The following MPRIP variants were observed in gnomAD, a reference collection of about 807,000 sequenced individuals.
MPRIP encodes myosin phosphatase Rho-interacting protein.
In MPRIP, 59 loss-of-function variants were observed where a neutral mutation model predicts 234.9. The ratio of observed to expected loss-of-function variants is 0.25; its 90% CI spans 0.20 to 0.31. The LOEUF (loss-of-function observed/expected upper bound fraction) is 0.31. Ranked by LOEUF, MPRIP falls within the 10% of genes least tolerant of loss-of-function variation. The pLI, the probability that MPRIP is intolerant of heterozygous loss-of-function variation, is 1.00. For synonymous variants in MPRIP, 1,144 were observed against 1,263.9 expected (o/e 0.91, Z 2.01); for missense variants, 2,436 against 3,071.0 (o/e 0.79, Z 4.89).
At chr17:17,145,980 C>G in intron 9 of MPRIP, 56 bp from the exon 10 acceptor site, 1 of 1,522,968 alleles carries the variant, frequency 6.6e-7, no homozygotes, top group South Asian at 1.1e-5. Context: ...CCCCATCAGA[C>G]ACTCATGACA....
At chr17:17,047,287 T>C (rs1340868121) in intron 1 of MPRIP, among the ~76,000 whole-genome samples, 1 of 152,240 alleles carries the variant, frequency 6.6e-6, no homozygotes, top group African/African-American at 2.4e-5. Flanking sequence ...GAACTAGATA[T>C]TAATCCGATG....
At chr17:17,046,299 C>T (rs1446680536) in intron 1 of MPRIP, among the ~76,000 whole-genome samples, 1 of 152,170 alleles carries the variant, frequency 6.6e-6, no homozygotes, top group Admixed American at 6.5e-5. Context: ...TGATAGACAT[C>T]AAGGTTGCTT....
intron 23 of MPRIP, chr17:17,180,646 C>T: frequency 6.2e-7 from 1 of 1,614,054 alleles, no homozygotes; most frequent in East Asian, 2.2e-5. Context: ...CTGAAATGCA[C>T]CCGCTTCCCG....
chr17:17,048,912 G>A lies in MPRIP; in HGVS notation c.123+5941G>A, dbSNP rs150543484. ...GTTCATAACAGCACTACTCACAATA[G>A]CCAAACGGCAGCAACAATCCAAGTG... On this transcript the variant is annotated intron_variant, in intron 1 of 23. Coordinates refer to ENST00000651222, the MANE Select transcript of MPRIP (RefSeq NM_001364716.4). Among the ~76,000 whole-genome samples the A allele has an allele frequency of 7.9e-5, 12 of 152,322 alleles. No individual in the cohort carries two copies. In the East Asian group the frequency reaches 2.3e-3, roughly 29 times the overall value.
chr17:17,168,201 C>T (rs1164667317), intron 16 of MPRIP: 4 of 308,058 alleles, frequency 1.3e-5, no homozygotes, highest in Admixed American at 4.6e-5. Flanking sequence ...CTGCCTAATG[C>T]GGCCTCTCCG....
intron 1 of MPRIP, among the ~76,000 whole-genome samples, chr17:17,072,520 G>C (rs1161205977): frequency 6.6e-6 from 1 of 152,212 alleles, no homozygotes; most frequent in Non-Finnish European, 1.5e-5. Context: ...GTAGAAATTA[G>C]TTCTGTGATG....
At chr17:17,105,819 T>G (rs2090052410) in intron 3 of MPRIP, among the ~76,000 whole-genome samples, 1 of 152,242 alleles carries the variant, frequency 6.6e-6, no homozygotes, top group South Asian at 2.1e-4. Flanking sequence ...GGATTTGATC[T>G]TTATAATAGT....
chr17:17,090,421 A>C (rs1238242657), intron 3 of MPRIP, among the ~76,000 whole-genome samples: 2 of 152,176 alleles, frequency 1.3e-5, no homozygotes, highest in African/African-American at 2.4e-5. Flanking sequence ...CACAAAGTCT[A>C]ATAAGCAGTG....
chr17:17,094,125 G>T (rs913312147), intron 3 of MPRIP, among the ~76,000 whole-genome samples: 10 of 151,950 alleles, frequency 6.6e-5, no homozygotes, highest in African/African-American at 2.2e-4. Context: ...TGTTTTTGTG[G>T]GGTTTTTTTT....
chr17:17,100,435 T>G (rs1175486114), intron 3 of MPRIP, among the ~76,000 whole-genome samples: 1 of 152,150 alleles, frequency 6.6e-6, no homozygotes, highest in East Asian at 1.9e-4. Flanking sequence ...TGAATTGGTG[T>G]GTGTGTGTGT....
At chr17:17,116,712 G>A (rs1471997056) in intron 3 of MPRIP, among the ~76,000 whole-genome samples, 3 of 152,238 alleles carry the variant, frequency 2.0e-5, no homozygotes, top group Non-Finnish European at 2.9e-5. Flanking sequence ...GAAAGGGCCT[G>A]CCCCGCATGC....
intron 15 of MPRIP, among the ~76,000 whole-genome samples, chr17:17,163,340 T>C (rs139093291): frequency 8.7e-4 from 132 of 152,350 alleles, no homozygotes; most frequent in African/African-American, 3.1e-3. Context: ...TTTTTCCCTA[T>C]ATTAATGAGT....
At chr17:17,089,018 C>T (rs1233798488) in intron 3 of MPRIP, among the ~76,000 whole-genome samples, 2 of 152,152 alleles carry the variant, frequency 1.3e-5, no homozygotes, top group African/African-American at 2.4e-5. Flanking sequence ...CTGGTCCAGC[C>T]CACACACAGG....
intron 23 of MPRIP, among the ~76,000 whole-genome samples, chr17:17,184,173 T>G (rs1393651221): frequency 6.6e-6 from 1 of 152,240 alleles, no homozygotes; most frequent in Non-Finnish European, 1.5e-5. Flanking sequence ...TCTCTGGACA[T>G]ACAGATTTAA....
chr17:17,099,563 CA>C (rs1429490120), intron 3 of MPRIP, among the ~76,000 whole-genome samples: 3 of 152,242 alleles, frequency 2.0e-5, no homozygotes, highest in African/African-American at 7.2e-5. Flanking sequence ...GCTGTCTCTA[CA>C]AAAATTTTGA....
At position 17,137,905 on chromosome 17, in the gene MPRIP, G is replaced by C. The variant is rs748348750; in HGVS notation, c.737-11G>C. ...CTGAGTGCGTCTCCTCCCTCCCACTGTCTCTTCCAGAGGAGAGCGCCATGA... is the reference window on the plus strand; with the variant it reads ...CTGAGTGCGTCTCCTCCCTCCCACTCTCTCTTCCAGAGGAGAGCGCCATGA... On this transcript the variant is annotated splice_polypyrimidine_tract_variant and intron_variant, in intron 6 of 23. Transcript: ENST00000651222. 3 of 1,573,606 alleles carry C rather than the reference G, an allele frequency of 1.9e-6. No individual in the cohort carries two copies. The highest frequency in any genetic ancestry group is 2.6e-6 in the Non-Finnish European group (3 of 1,161,026).
At chr17:17,127,409 A>T (rs1304692356) in intron 4 of MPRIP, among the ~76,000 whole-genome samples, 2 of 152,154 alleles carry the variant, frequency 1.3e-5, no homozygotes, top group Non-Finnish European at 2.9e-5. Context: ...TGTCTCACTC[A>T]CCCAGGTCCC....
chr17:17,087,406 T>C (rs565523354), intron 3 of MPRIP, among the ~76,000 whole-genome samples: 12 of 152,260 alleles, frequency 7.9e-5, no homozygotes, highest in African/African-American at 2.9e-4. Flanking sequence ...GTACCTCCAG[T>C]GTTGGAGTCA....
intron 1 of MPRIP, among the ~76,000 whole-genome samples, chr17:17,062,651 C>T (rs1048370401): frequency 2.0e-5 from 3 of 152,230 alleles, no homozygotes; most frequent in African/African-American, 4.8e-5. Flanking sequence ...AGGCCAGCTG[C>T]GTTGATAGTG....
Sources: gnomAD v4.1 joint callset for allele counts (sites outside exome capture counted in the v4.1 genomes callset) on GRCh38, gnomAD v4.1.1 for gene constraint, MANE v1.5 for transcripts, NCBI Gene and HGNC (gene_info 2026-07-23, HGNC 2026-07-21) for gene names.